RDX: variants seen among roughly 807,000 people sequenced by gnomAD.
The protein encoded by RDX is deafness, autosomal recessive 24.
Under a neutral mutation model 83.7 loss-of-function variants are expected in RDX, and 32 were observed. That is an observed-to-expected ratio of 0.38 (90% CI 0.29 to 0.51). The LOEUF is 0.51. RDX is among the 20% of genes least tolerant of loss of function. The pLI is 0.87. For missense variants in RDX, 600 were observed against 689.9 expected, an observed-to-expected ratio of 0.87 and a Z score of 1.46; for synonymous variants, 229 against 222.7, an observed-to-expected ratio of 1.03 and a Z score of -0.25.
intron 14 of RDX, among the ~76,000 whole-genome samples, chr11:110,205,792 A>C (rs1381323833): frequency 6.6e-6 from 1 of 152,186 alleles, no homozygotes; most frequent in Non-Finnish European, 1.5e-5. Flanking sequence ...TTTAGGAAAC[A>C]ATTGATGGTT....
At chr11:110,289,516 T>G (rs1314286917) in intron 1 of RDX, among the ~76,000 whole-genome samples, 4 of 152,154 alleles carry the variant, frequency 2.6e-5, no homozygotes, top group Non-Finnish European at 5.9e-5. Flanking sequence ...AGCTTAAGTA[T>G]CAGGAGTCCT....
chr11:110,263,874 A>G, intron 5 of RDX, 86 bp downstream of exon 5: 1 of 1,374,334 alleles, frequency 7.3e-7, no homozygotes, highest in African/African-American at 1.5e-5. Context: ...TCTCCAAAAA[A>G]AAAAAAAAAC....
At chr11:110,224,525 T>C (rs1864368914), downstream of RDX, among the ~76,000 whole-genome samples, 1 of 152,132 alleles carries the variant, frequency 6.6e-6, no homozygotes, top group African/African-American at 2.4e-5. Flanking sequence ...TTATAAAAGC[T>C]AGAGTACGAG....
At chr11:110,236,015 A>G (rs1864832796) in intron 12 of RDX, 84 bp downstream of exon 12, 1 of 939,500 alleles carries the variant, frequency 1.1e-6, no homozygotes, top group Non-Finnish European at 1.8e-6. Flanking sequence ...TTATGACAGT[A>G]TCTTACACTT....
chr11:110,230,277 G>A lies in RDX; in HGVS notation c.*1592C>T, dbSNP rs892264046. 5 of 151,966 alleles carry A rather than the reference G, an allele frequency of 3.3e-5. No homozygotes were observed. The highest frequency in any genetic ancestry group is 1.3e-4 in the Admixed American group (2 of 15,250). The allele number at this position is 151,966 out of a possible 1,614,324, so 9.4% of individuals were successfully genotyped here. On this transcript the variant is annotated 3_prime_UTR_variant, in exon 14 of 14. Coordinates refer to ENST00000645495, the MANE Select transcript of RDX (RefSeq NM_002906.4). ...CCACACAGAGAAAACAAGGCTTTAC[G>A]TATCTCCAAATTTAGCTGTTTTACA...
intron 10 of RDX, among the ~76,000 whole-genome samples, chr11:110,241,964 T>G (rs143389318): frequency 4.1e-4 from 62 of 152,146 alleles, no homozygotes; most frequent in African/African-American, 1.5e-3. Context: ...CTTATACAGG[T>G]AGAATACTCA....
chr11:110,254,031 T>G lies in RDX; in HGVS notation c.874A>C (p.Met292Leu), dbSNP rs767569356. The change falls in exon 9 of 14, where the codon ATG becomes CTG. Residue 292 changes from methionine to leucine, a missense_variant. Physicochemically the swap from Met to Leu is conservative, Grantham distance 15. Coordinates refer to ENST00000645495, the MANE Select transcript of RDX (RefSeq NM_002906.4). ...ATAGTATCAGGCTTCCTTCTTCGCA[T>G]GTATAGTTCATGGTTTCCCATACAT... ...ALCMGNHELY[M>L]RRRKPDTIEV... 5 of 1,613,682 alleles carry G rather than the reference T, an allele frequency of 3.1e-6. No homozygotes were observed. The South Asian group carries it at 5.5e-5, about 18-fold the overall frequency.
At chr11:110,290,788 G>A (rs1170900847) in intron 1 of RDX, among the ~76,000 whole-genome samples, 1 of 152,074 alleles carries the variant, frequency 6.6e-6, no homozygotes, top group Non-Finnish European at 1.5e-5. Context: ...AGCAGCCATA[G>A]ATAATATGTA....
chr11:110,268,508 C>G (rs937217284), intron 3 of RDX, among the ~76,000 whole-genome samples: 2 of 152,064 alleles, frequency 1.3e-5, no homozygotes, highest in Non-Finnish European at 2.9e-5. Context: ...AAGCTTGGAG[C>G]GGCAGGAGTA....
intron 3 of RDX, among the ~76,000 whole-genome samples, chr11:110,266,785 G>C (rs886751967): frequency 1.3e-4 from 20 of 152,018 alleles, no homozygotes; most frequent in African/African-American, 4.8e-4. Context: ...CAGGGGTCTT[G>C]CTATGTCGCC....
At chr11:110,224,249 C>T (rs1025670646) in intron 14 of RDX, among the ~76,000 whole-genome samples, 2 of 151,524 alleles carry the variant, frequency 1.3e-5, no homozygotes, top group Admixed American at 1.3e-4. Flanking sequence ...AAACAAAACC[C>T]TTCGAATTTC....
chr11:110,191,498 A>G (rs569779537), intron 15 of RDX, among the ~76,000 whole-genome samples: 1 of 152,366 alleles, frequency 6.6e-6, no homozygotes, highest in South Asian at 2.1e-4. Flanking sequence ...CCTTACGAAC[A>G]GGAACAAGAC....
At chr11:110,283,725 A>C (rs1020487877) in intron 1 of RDX, among the ~76,000 whole-genome samples, 6 of 152,172 alleles carry the variant, frequency 3.9e-5, no homozygotes, top group Admixed American at 1.3e-4. Flanking sequence ...TAAAACAAAC[A>C]AACAAAAAGA....
chr11:110,241,893 T>C lies in RDX; in HGVS notation c.1091-4241A>G, dbSNP rs1455259767. Reference sequence around the variant, plus strand: ...CATATGCTACAACGTGGATGAACCTTGAGGGCATTATGTTAAGTGAAATAA... The same window carrying C: ...CATATGCTACAACGTGGATGAACCTCGAGGGCATTATGTTAAGTGAAATAA... On this transcript the variant is annotated intron_variant, in intron 10 of 13. Transcript: ENST00000645495. 4.6e-5 allele frequency among the ~76,000 whole-genome samples: 7 copies of C among 152,174 alleles called. No individual in the cohort carries two copies. The East Asian group carries it at 1.3e-3, about 29-fold the overall frequency.
At chr11:110,191,854 C>A (rs532397009) in intron 15 of RDX, among the ~76,000 whole-genome samples, 1 of 151,788 alleles carries the variant, frequency 6.6e-6, no homozygotes, top group East Asian at 1.9e-4. Flanking sequence ...GACTCTGTCT[C>A]AAAATAAAAC....
downstream of RDX, among the ~76,000 whole-genome samples, chr11:110,227,371 T>G (rs569916105): frequency 6.6e-6 from 1 of 152,096 alleles, no homozygotes; most frequent in Non-Finnish European, 1.5e-5. Context: ...AGTAAAAAAC[T>G]AAAACCAGTA....
At chr11:110,194,560 T>C (rs966439889) in intron 15 of RDX, among the ~76,000 whole-genome samples, 19 of 152,198 alleles carry the variant, frequency 1.2e-4, no homozygotes, top group African/African-American at 4.3e-4. Flanking sequence ...CCAGGTCTTA[T>C]GACTGAATGA....
At chr11:110,287,967 T>C (rs541191960) in intron 1 of RDX, among the ~76,000 whole-genome samples, 1 of 152,232 alleles carries the variant, frequency 6.6e-6, no homozygotes, top group Non-Finnish European at 1.5e-5. Context: ...CTAGGGCTTT[T>C]CAAGAAGTAG....
intron 3 of RDX, among the ~76,000 whole-genome samples, chr11:110,267,198 C>T (rs908575025): frequency 6.6e-6 from 1 of 152,166 alleles, no homozygotes; most frequent in Admixed American, 6.5e-5. Context: ...GCCATCGTGC[C>T]CAGCCTGTTT....
Sources: gnomAD v4.1 joint callset for allele counts (sites outside exome capture counted in the v4.1 genomes callset) on GRCh38, gnomAD v4.1.1 for gene constraint, MANE v1.5 for transcripts, NCBI Gene and HGNC (gene_info 2026-07-23, HGNC 2026-07-21) for gene names.